Variants in TMEM132B observed in about 807,000 individuals in gnomAD.
The protein encoded by TMEM132B is transmembrane protein 132B.
Under a neutral mutation model 90.8 loss-of-function variants are expected in TMEM132B, and 18 were observed. The ratio of observed to expected loss-of-function variants is 0.20; its 90% CI spans 0.14 to 0.29. The LOEUF is 0.29. Ranked by LOEUF, TMEM132B falls within the 10% of genes least tolerant of loss-of-function variation. TMEM132B has a pLI of 1.00. For synonymous variants in TMEM132B, 504 were observed against 523.3 expected (o/e 0.96, Z 0.50); for missense variants, 1,096 against 1,326.8 (o/e 0.83, Z 2.70).
At chr12:125,200,814 C>T (rs1439071904) in intron 1 of TMEM132B, among the ~76,000 whole-genome samples, 2 of 152,198 alleles carry the variant, frequency 1.3e-5, no homozygotes, top group African/African-American at 2.4e-5. Flanking sequence ...AGAGTAGCTT[C>T]TTGAGGGCAG....
intron 1 of TMEM132B, among the ~76,000 whole-genome samples, chr12:125,324,134 A>G (rs1176209668): frequency 6.6e-6 from 1 of 152,262 alleles, no homozygotes; most frequent in African/African-American, 2.4e-5. Context: ...TCATGTTTGC[A>G]GAATTCTCTG....
chr12:125,612,798 A>T (rs1415500807), intron 5 of TMEM132B, among the ~76,000 whole-genome samples: 21 of 111,078 alleles, frequency 1.9e-4, no homozygotes, highest in Non-Finnish European at 3.5e-4. Flanking sequence ...ATATTTTTTT[A>T]TTTTTTATTT....
intron 6 of TMEM132B, among the ~76,000 whole-genome samples, chr12:125,644,913 G>A (rs1226966985): frequency 6.6e-6 from 1 of 152,136 alleles, no homozygotes; most frequent in African/African-American, 2.4e-5. Context: ...AGAACTCAGT[G>A]AATGGATACA....
chr12:125,370,780 C>T (rs1878270787), intron 2 of TMEM132B, among the ~76,000 whole-genome samples: 1 of 152,144 alleles, frequency 6.6e-6, no homozygotes, highest in African/African-American at 2.4e-5. Context: ...TTGTCTGACA[C>T]ATGTGAGTTG....
chr12:125,542,092 G>A (rs1256104367), intron 4 of TMEM132B, among the ~76,000 whole-genome samples: 2 of 146,490 alleles, frequency 1.4e-5, no homozygotes, highest in African/African-American at 2.5e-5. Flanking sequence ...CCTCACCAAA[G>A]GTGGTGCAAA....
At chr12:125,331,849 G>T (rs1340929737) in intron 1 of TMEM132B, among the ~76,000 whole-genome samples, 1 of 152,142 alleles carries the variant, frequency 6.6e-6, no homozygotes, top group Non-Finnish European at 1.5e-5. Context: ...GACCTCCCGG[G>T]CTCTAACGAT....
chr12:125,425,541 A>G (rs569367509), intron 3 of TMEM132B, among the ~76,000 whole-genome samples: 3 of 152,184 alleles, frequency 2.0e-5, no homozygotes, highest in Non-Finnish European at 4.4e-5. Flanking sequence ...TTTATGCACC[A>G]TTACAGTATC....
chr12:125,448,684 A>G (rs890584635), intron 3 of TMEM132B, among the ~76,000 whole-genome samples: 2 of 152,174 alleles, frequency 1.3e-5, no homozygotes, highest in Admixed American at 6.5e-5. Context: ...TTGGGTAAAT[A>G]CTCAGGAATG....
At chr12:125,231,175 T>C (rs1364610972) in intron 1 of TMEM132B, among the ~76,000 whole-genome samples, 1 of 152,038 alleles carries the variant, frequency 6.6e-6, no homozygotes, top group Admixed American at 6.6e-5. Context: ...GCCTCGCTCC[T>C]GTCTCTGCCT....
chr12:125,437,248 C>T (rs980798190), intron 3 of TMEM132B, among the ~76,000 whole-genome samples: 10 of 152,152 alleles, frequency 6.6e-5, no homozygotes, highest in Admixed American at 3.3e-4. Context: ...GTGAACATTC[C>T]GATGCGCTGA....
At chr12:125,617,731 TTATCCCTC>T (rs1229579352) in intron 5 of TMEM132B, among the ~76,000 whole-genome samples, 1 of 152,156 alleles carries the variant, frequency 6.6e-6, no homozygotes, top group African/African-American at 2.4e-5. Flanking sequence ...ACTTTCCAGC[TTATCCCTC>T]TATTGTTTCT....
intron 5 of TMEM132B, among the ~76,000 whole-genome samples, chr12:125,609,541 C>T (rs1237262956): frequency 2.0e-5 from 3 of 151,766 alleles, no homozygotes; most frequent in Non-Finnish European, 2.9e-5. Context: ...TTGGGCCGGG[C>T]GTGGTAGCTC....
intron 3 of TMEM132B, among the ~76,000 whole-genome samples, chr12:125,442,929 C>G (rs73412321): frequency 0.016 from 2,497 of 152,340 alleles, 61 homozygotes; most frequent in African/African-American, 0.057. Flanking sequence ...TTCTAAGATA[C>G]TAGCCCATCC....
chr12:125,317,267 C>A (rs1413739802), intron 1 of TMEM132B, among the ~76,000 whole-genome samples: 2 of 152,188 alleles, frequency 1.3e-5, no homozygotes, highest in South Asian at 2.1e-4. Flanking sequence ...ATTGGAAGCA[C>A]CTGGCCTGGA....
intron 3 of TMEM132B, among the ~76,000 whole-genome samples, chr12:125,502,315 A>G (rs1454338143): frequency 6.6e-6 from 1 of 152,174 alleles, no homozygotes; most frequent in Non-Finnish European, 1.5e-5. Context: ...ACCACCCCCA[A>G]ATCTCAGTGG....
chr12:125,227,632 C>G (rs1396846295), intron 1 of TMEM132B, among the ~76,000 whole-genome samples: 1 of 152,114 alleles, frequency 6.6e-6, no homozygotes, highest in Admixed American at 6.5e-5. Context: ...CTCAGTGTCT[C>G]CCCTCTCTCA....
At chr12:125,587,181 TAAA>T (rs71092302) in intron 5 of TMEM132B, 2 of 138,448 alleles carry the variant, frequency 1.4e-5, no homozygotes, top group African/African-American at 2.7e-5. Context: ...ACTTTTAGGT[TAAA>T]AAAAAAAAAA....
intron 3 of TMEM132B, among the ~76,000 whole-genome samples, chr12:125,417,843 T>C (rs1390378081): frequency 6.6e-6 from 1 of 152,132 alleles, no homozygotes; most frequent in Non-Finnish European, 1.5e-5. Context: ...CACCACTGGC[T>C]CTGTTTGGCA....
chr12:125,548,609 C>T (rs932869221), intron 4 of TMEM132B, among the ~76,000 whole-genome samples: 28 of 152,112 alleles, frequency 1.8e-4, no homozygotes, highest in African/African-American at 6.5e-4. Context: ...GGCTGGTGGT[C>T]TGGATGTCGT....
Sources: gnomAD v4.1 joint callset for allele counts (sites outside exome capture counted in the v4.1 genomes callset) on GRCh38, gnomAD v4.1.1 for gene constraint, MANE v1.5 for transcripts, NCBI Gene and HGNC (gene_info 2026-07-23, HGNC 2026-07-21) for gene names.